ANKRD44: variants seen among roughly 807,000 people sequenced by gnomAD.
The protein encoded by ANKRD44 is ankyrin repeat domain 44.
A neutral mutation model predicts 116.0 loss-of-function variants in ANKRD44; 35 were observed. That is an observed-to-expected ratio of 0.30 (90% confidence interval 0.23 to 0.40). ANKRD44 has a LOEUF of 0.40. ANKRD44 is among the 10% of genes least tolerant of loss of function. The pLI, the probability that ANKRD44 is intolerant of heterozygous loss-of-function variation, is 1.00. For synonymous variants in ANKRD44, 435 were observed against 461.8 expected (o/e 0.94, Z 0.74); for missense variants, 1,014 against 1,242.6 (o/e 0.82, Z 2.77).
chr2:197,196,438 T>TA (rs568752363), intron 1 of ANKRD44, among the ~76,000 whole-genome samples: 17 of 152,020 alleles, frequency 1.1e-4, no homozygotes, highest in Non-Finnish European at 2.2e-4. Context: ...GTATTCCTTA[T>TA]AAAAAATAGC....
At chr2:197,169,469 G>C (rs1218580908) in intron 2 of ANKRD44, among the ~76,000 whole-genome samples, 1 of 152,140 alleles carries the variant, frequency 6.6e-6, no homozygotes, top group Non-Finnish European at 1.5e-5. Context: ...CCCAGCACCT[G>C]TCATGGTGCC....
At chr2:197,106,618 T>G (rs1233243708) in intron 9 of ANKRD44, among the ~76,000 whole-genome samples, 1 of 151,512 alleles carries the variant, frequency 6.6e-6, no homozygotes, top group Non-Finnish European at 1.5e-5. Flanking sequence ...TGAAAGCCCA[T>G]CTCTATTAAA....
At chr2:197,023,212 C>T (rs145150205) in intron 17 of ANKRD44, among the ~76,000 whole-genome samples, 7 of 152,256 alleles carry the variant, frequency 4.6e-5, no homozygotes, top group African/African-American at 9.6e-5. Context: ...AATGGCCCTA[C>T]GTTGAGGTAC....
intron 27 of ANKRD44, chr2:196,990,240 GAGA>G (rs758068338): frequency 2.5e-4 from 251 of 986,526 alleles, no homozygotes; most frequent in Middle Eastern, 5.2e-4. Flanking sequence ...ACATCAAAGT[GAGA>G]AGAAGTTTGA....
chr2:196,999,727 G>A (rs1217210876), intron 23 of ANKRD44, among the ~76,000 whole-genome samples: 1 of 151,988 alleles, frequency 6.6e-6, no homozygotes, highest in Non-Finnish European at 1.5e-5. Context: ...CTGAGTAGCT[G>A]GGACTACAGG....
Position 197,038,741 on chromosome 2 carries a change from G to A in ANKRD44, c.1651-13474C>T, listed in dbSNP as rs1259900925. On this transcript the variant is annotated intron_variant, in intron 16 of 27. Coordinates refer to ENST00000282272, the MANE Select transcript of ANKRD44 (RefSeq NM_001195144.2). ...AAGACAGTGTGATTCCTTTCATCTT[G>A]CTGTAGGTGTTCCAGATGAGAAATA... 2.6e-5 allele frequency among the ~76,000 whole-genome samples: 4 copies of A among 152,134 alleles called. No homozygotes were observed. The South Asian group carries it at 8.3e-4, about 32-fold the overall frequency.
chr2:196,988,841 T>TGA lies in ANKRD44; in HGVS notation c.*748_*749dup, dbSNP rs907733173. 2.0e-6 allele frequency: 2 copies of TGA among 985,350 alleles called. No homozygotes were observed. Among genetic ancestry groups the TGA allele is most frequent in the African/African-American group, 3.5e-5 (2 of 57,252 alleles). 61.0% of individuals were successfully genotyped at this position (985,350 alleles called of 1,614,324 possible). A position where few individuals can be genotyped will look rare whatever the true frequency, so the allele number is the denominator to read the frequency against. On this transcript the variant is annotated 3_prime_UTR_variant, in exon 28 of 28. Coordinates refer to ENST00000282272, the MANE Select transcript of ANKRD44 (RefSeq NM_001195144.2). ...CTGCCATCATTTCTCATCAGGTTAC[T>TGA]GAGACTATGTGAGCTTTTCAGTGTA... is the stretch of plus-strand genomic sequence containing the variant.
chr2:197,292,685 A>G (rs2083607655), intron 1 of ANKRD44, among the ~76,000 whole-genome samples: 1 of 152,226 alleles, frequency 6.6e-6, no homozygotes, highest in Non-Finnish European at 1.5e-5. Flanking sequence ...GGGATAAAAA[A>G]TGTTGCCATG....
At chr2:197,279,324 C>T (rs1321262031) in intron 1 of ANKRD44, among the ~76,000 whole-genome samples, 5 of 152,144 alleles carry the variant, frequency 3.3e-5, no homozygotes, top group Admixed American at 1.3e-4. Context: ...AACAGCATCA[C>T]GCAGTCCAGG....
At chr2:197,094,976 A>G (rs951635148) in intron 10 of ANKRD44, among the ~76,000 whole-genome samples, 22 of 152,276 alleles carry the variant, frequency 1.4e-4, no homozygotes, top group African/African-American at 4.6e-4. Context: ...CATTCCTCTA[A>G]GTGCCAGGCT....
chr2:197,142,001 A>G (rs2079379431), intron 3 of ANKRD44, among the ~76,000 whole-genome samples: 1 of 152,226 alleles, frequency 6.6e-6, no homozygotes, highest in Non-Finnish European at 1.5e-5. Flanking sequence ...TGCATGTCTA[A>G]TGATTTAAAG....
chr2:197,281,308 GCATCCTGCTCCCCACCTCCTGATCCTC>G (rs970352277), intron 1 of ANKRD44, among the ~76,000 whole-genome samples: 4 of 151,958 alleles, frequency 2.6e-5, no homozygotes, highest in African/African-American at 7.3e-5. Flanking sequence ...TTCCATTAAG[GCATCCTGCTCCCCACCTCCTGATCCTC>G]CATCCCCCAC....
At chr2:197,106,453 A>G (rs13387571) in intron 9 of ANKRD44, among the ~76,000 whole-genome samples, 9,301 of 151,766 alleles carry the variant, frequency 0.061, 968 homozygotes, top group African/African-American at 0.21. Flanking sequence ...CCAAAAAAAG[A>G]AAGATAATTA....
intron 1 of ANKRD44, among the ~76,000 whole-genome samples, chr2:197,283,208 T>C (rs1355220506): frequency 1.3e-5 from 2 of 152,210 alleles, no homozygotes; most frequent in Admixed American, 6.5e-5. Context: ...GTTACCCTTG[T>C]CCAGCACAAG....
At chr2:197,174,634 AG>A in intron 2 of ANKRD44, among the ~76,000 whole-genome samples, 1 of 152,016 alleles carries the variant, frequency 6.6e-6, no homozygotes. Flanking sequence ...GCGGGGAGGG[AG>A]GTGATGTGTC....
At chr2:197,276,135 C>T (rs147911565) in intron 1 of ANKRD44, among the ~76,000 whole-genome samples, 20,696 of 151,870 alleles carry the variant, frequency 0.14, 1,796 homozygotes, top group Middle Eastern at 0.19. Context: ...ATTAGCCAGG[C>T]ATGGTGGCAC....
At chr2:197,103,103 C>G (rs2078337516) in intron 9 of ANKRD44, among the ~76,000 whole-genome samples, 1 of 151,918 alleles carries the variant, frequency 6.6e-6, no homozygotes, top group African/African-American at 2.4e-5. Flanking sequence ...TGGCAGACAC[C>G]TGTAGTTCCA....
At chr2:196,967,219 T>C (rs774392697) in exon 22 of ANKRD44, 2 of 234,178 alleles carry the variant, frequency 8.5e-6, no homozygotes, top group Non-Finnish European at 1.9e-5. Context: ...GAAAGAGGAA[T>C]TTCCAGTATC....
At chr2:197,150,388 A>T (rs2079613675) in intron 2 of ANKRD44, among the ~76,000 whole-genome samples, 1 of 152,138 alleles carries the variant, frequency 6.6e-6, no homozygotes, top group Admixed American at 6.5e-5. Flanking sequence ...TTCTACAAAA[A>T]AATACAAAAA....
Sources: allele counts gnomAD v4.1 joint callset (sites outside exome capture counted in the v4.1 genomes callset), GRCh38; gene constraint gnomAD v4.1.1; transcripts MANE v1.5; gene names NCBI Gene and HGNC (gene_info 2026-07-23, HGNC 2026-07-21).